The following NEBL variants were observed in gnomAD, a reference collection of about 807,000 sequenced individuals.
NEBL encodes the protein LIM and SH3 protein 2.
In NEBL, 122 loss-of-function variants were observed where a neutral mutation model predicts 140.2. The observed-to-expected ratio is 0.87, with a 90% CI of 0.75 to 1.01. The LOEUF is 1.01. NEBL is among the 50% of genes least tolerant of loss of function. NEBL has a pLI of 0.00. For synonymous variants in NEBL, 436 were observed against 398.9 expected (o/e 1.09, Z -1.11); for missense variants, 1,365 against 1,231.3 (o/e 1.11, Z -1.62).
At chr10:20,803,804 G>T (rs1438356299) in intron 26 of NEBL, among the ~76,000 whole-genome samples, 1 of 118,106 alleles carries the variant, frequency 8.5e-6, no homozygotes, top group Non-Finnish European at 1.7e-5. Context: ...CTTTCCTTCT[G>T]TACGAAAAAT....
rs1833889441 is a variant in NEBL at position 20,925,908 on chromosome 10, C to T, written c.357+35764G>A. On this transcript the variant is annotated intron_variant, in intron 4 of 6. Coordinates refer to the NEBL transcript ENST00000417816. ...AAAAGCTCTGAGATTTTTCACAATA[C>T]TCTTATTCAGTAGGTGTCCTGGAAA... 2.6e-5 allele frequency among the ~76,000 whole-genome samples: 4 copies of T among 152,270 alleles called. No homozygotes were observed. The South Asian group carries it at 6.2e-4, about 24-fold the overall frequency.
chr10:21,128,812 C>T (rs73607600), intron 2 of NEBL, among the ~76,000 whole-genome samples: 3 of 151,950 alleles, frequency 2.0e-5, no homozygotes, highest in African/African-American at 7.3e-5. Flanking sequence ...TTGAAAAAAA[C>T]CAGAAAAGAT....
intron 1 of NEBL, among the ~76,000 whole-genome samples, chr10:21,264,690 G>C (rs1842777937): frequency 1.0e-5 from 1 of 96,864 alleles, no homozygotes; most frequent in African/African-American, 4.1e-5. Context: ...TGTTCCAGTT[G>C]CTATTTAAAA....
Position 20,859,714 on chromosome 10 carries a change from T to C in NEBL, c.797A>G (p.Asn266Ser), listed in dbSNP as rs775715623. The change falls in exon 8 of 28, where the codon AAT (asparagine) becomes AGT (serine). Residue 266 changes from asparagine to serine, a missense_variant and splice_region_variant. Coordinates refer to ENST00000377122, the MANE Select transcript of NEBL (RefSeq NM_006393.3). ...AATTTTCTATGAATTACAACTTACATTGCTCGCCAGTGTAGCAGCAAGCTG... is the reference window on the plus strand; with the variant it reads ...AATTTTCTATGAATTACAACTTACACTGCTCGCCAGTGTAGCAGCAAGCTG... ...QNQLAATLAS[N>S]VKYKKDIQNM... is the part of the protein sequence containing the mutation. The C allele has an allele frequency of 3.8e-6, 6 of 1,562,640 alleles. No homozygotes were observed. The African/African-American group carries it at 4.1e-5, about 11-fold the overall frequency.
chr10:21,136,511 C>T (rs989250483), intron 2 of NEBL, among the ~76,000 whole-genome samples: 2 of 152,118 alleles, frequency 1.3e-5, no homozygotes, highest in Non-Finnish European at 2.9e-5. Context: ...CTTCTTATTT[C>T]AAACCCTCAC....
At chr10:21,127,806 G>A (rs989464944) in intron 2 of NEBL, among the ~76,000 whole-genome samples, 2 of 152,122 alleles carry the variant, frequency 1.3e-5, no homozygotes, top group Non-Finnish European at 1.5e-5. Flanking sequence ...AGACAAAGCT[G>A]CCAATTGAAT....
At chr10:21,111,400 C>G (rs1336742596) in intron 2 of NEBL, among the ~76,000 whole-genome samples, 2 of 152,006 alleles carry the variant, frequency 1.3e-5, no homozygotes, top group Non-Finnish European at 2.9e-5. Context: ...GATATATAGA[C>G]CAATGGAACA....
intron 4 of NEBL, among the ~76,000 whole-genome samples, chr10:20,886,848 A>T (rs1846566883): frequency 6.6e-6 from 1 of 152,228 alleles, no homozygotes; most frequent in Non-Finnish European, 1.5e-5. Flanking sequence ...AAAATGTGAA[A>T]TGAAGAATAC....
intron 2 of NEBL, among the ~76,000 whole-genome samples, chr10:21,039,501 G>A (rs758996737): frequency 6.6e-6 from 1 of 152,088 alleles, no homozygotes; most frequent in Non-Finnish European, 1.5e-5. Flanking sequence ...CTTTGTTTTT[G>A]TCAGGTTTGT....
intron 2 of NEBL, among the ~76,000 whole-genome samples, chr10:21,063,485 T>C (rs535262817): frequency 2.0e-5 from 3 of 152,368 alleles, no homozygotes; most frequent in Non-Finnish European, 2.9e-5. Flanking sequence ...CCCTCTTTAA[T>C]GAAATCCATG....
upstream of NEBL, among the ~76,000 whole-genome samples, chr10:20,900,971 T>C (rs1847846180): frequency 6.6e-6 from 1 of 151,786 alleles, no homozygotes; most frequent in Non-Finnish European, 1.5e-5. Context: ...TGAGCCAAGA[T>C]CGCGCCACTG....
rs113408801 is a variant in NEBL at position 20,817,740 on chromosome 10, C to G, written c.2056-48G>C. ...TTAACAGATAGCACAATGGGCTCCACTGAAATACCACAAAGGACAAGGCTC... is the reference window on the plus strand; with the variant it reads ...TTAACAGATAGCACAATGGGCTCCAGTGAAATACCACAAAGGACAAGGCTC... On this transcript the variant is annotated intron_variant, in intron 20 of 27. Transcript: ENST00000377122. The G allele has an allele frequency of 1.7e-3, 2,359 of 1,401,118 alleles. 32 individuals carry two copies. The African/African-American group carries it at 0.027, about 16-fold the overall frequency. 86.8% of individuals were successfully genotyped at this position (1,401,118 alleles called of 1,614,324 possible).
At chr10:21,082,831 C>T (rs1389106119) in intron 2 of NEBL, among the ~76,000 whole-genome samples, 1 of 131,218 alleles carries the variant, frequency 7.6e-6, no homozygotes, top group African/African-American at 2.8e-5. Context: ...GGCATATTCT[C>T]GGCTCACTGC....
intron 3 of NEBL, among the ~76,000 whole-genome samples, chr10:21,225,656 G>T (rs945881864): frequency 6.6e-6 from 1 of 151,986 alleles, no homozygotes; most frequent in African/African-American, 2.4e-5. Context: ...TCTCCCCATG[G>T]CCACCACCTC....
At position 21,240,907 on chromosome 10, in the gene NEBL, T is replaced by TACACACACACAC. The variant is rs61704937; in HGVS notation, n.348+7002_348+7013dup. 3.9e-3 allele frequency among the ~76,000 whole-genome samples: 539 copies of TACACACACACAC among 137,374 alleles called. 2 individuals carry two copies. Among genetic ancestry groups the TACACACACACAC allele is most frequent in the Middle Eastern group, 0.015 (4 of 274 alleles). The allele number at this position is 137,374 out of a possible 152,430, so 90.1% of individuals were successfully genotyped here. ...CAGAACAGGGCAAAACACGCACACA[T>TACACACACACAC]ACACACACACACACACACACACACA... On this transcript the variant is annotated intron_variant and non_coding_transcript_variant, in intron 3 of 8. Transcript: ENST00000675702.
intron 2 of NEBL, among the ~76,000 whole-genome samples, chr10:21,248,741 A>C (rs552503952): frequency 1.3e-5 from 2 of 152,282 alleles, no homozygotes; most frequent in Non-Finnish European, 2.9e-5. Flanking sequence ...ACAAACCACC[A>C]TACCATTTTC....
intron 2 of NEBL, among the ~76,000 whole-genome samples, chr10:20,893,332 T>C (rs886298031): frequency 1.3e-5 from 2 of 152,068 alleles, no homozygotes; most frequent in Non-Finnish European, 2.9e-5. Context: ...CAGGAATAAA[T>C]ATGACAGAGA....
intron 2 of NEBL, among the ~76,000 whole-genome samples, chr10:21,145,093 T>C (rs1839833127): frequency 6.6e-6 from 1 of 152,006 alleles, no homozygotes; most frequent in African/African-American, 2.4e-5. Flanking sequence ...ACACAACCAT[T>C]AGATATTACT....
intron 7 of NEBL, among the ~76,000 whole-genome samples, chr10:20,866,555 C>T (rs1447218058): frequency 1.3e-5 from 2 of 152,150 alleles, no homozygotes; most frequent in Non-Finnish European, 1.5e-5. Flanking sequence ...CAACTATATC[C>T]TCTTGCCCAG....
Sources: gnomAD v4.1 joint callset for allele counts (sites outside exome capture counted in the v4.1 genomes callset) on GRCh38, gnomAD v4.1.1 for gene constraint, MANE v1.5 for transcripts, NCBI Gene and HGNC (gene_info 2026-07-23, HGNC 2026-07-21) for gene names.